SMG8: variants seen among roughly 807,000 people sequenced by gnomAD.
SMG8 encodes the protein SMG8 nonsense mediated mRNA decay factor.
SMG8 carries 49 observed loss-of-function variants against 82.1 expected under a neutral mutation model. The ratio of observed to expected loss-of-function variants is 0.60; its 90% CI spans 0.47 to 0.76. The LOEUF (loss-of-function observed/expected upper bound fraction) is 0.76. SMG8 is among the 30% of genes least tolerant of loss of function. The pLI, the probability that SMG8 is intolerant of heterozygous loss-of-function variation, is 0.00. For synonymous variants in SMG8, 404 were observed against 430.0 expected (o/e 0.94, Z 0.75); for missense variants, 969 against 1,166.4 (o/e 0.83, Z 2.46).
chr17:59,211,901 A>C (rs1381460489), intron 1 of SMG8, 91 bp downstream of exon 1: 11 of 1,199,062 alleles, frequency 9.2e-6, no homozygotes, highest in Non-Finnish European at 1.2e-5. Context: ...ATGTATTGAT[A>C]TTTTAGAAAG....
Position 59,211,775 on chromosome 17 carries a change from A to G in SMG8, c.1724A>G (p.His575Arg). The G allele has an allele frequency of 6.4e-7, 1 of 1,555,556 alleles. No homozygotes were observed. The highest frequency in any genetic ancestry group is 2.0e-5 in the Admixed American group (1 of 49,092). The change falls in exon 1 of 4, where the codon CAC becomes CGC. Residue 575 changes from histidine (H) to arginine (R), a missense_variant. Coordinates refer to ENST00000300917, the MANE Select transcript of SMG8 (RefSeq NM_018149.7). ...GAGGAGAGGAGTTTAACTGATCAAC[A>G]CTGTGTGCACAAATTTCACTCATTA... ...LCEERSLTDQ[H>R]CVHKFHSLPK... is the part of the protein sequence containing the mutation.
chr17:59,210,061 C>A lies in SMG8; in HGVS notation c.10C>A (p.Pro4Thr). 1 of 1,560,182 alleles carries A rather than the reference C, an allele frequency of 6.4e-7. No homozygotes were observed. Among genetic ancestry groups the A allele is most frequent in the Admixed American group, 2.0e-5 (1 of 50,302 alleles). The change falls in exon 1 of 4, where the codon CCC (proline) becomes ACC (threonine). Residue 4 changes from proline (P) to threonine (T), a missense_variant. By Grantham distance (38) the Pro-to-Thr change is conservative (BLOSUM62 -1). Around this residue, in one of 3 missense-constraint regions of SMG8, gnomAD observed 206 missense variants for 190.5 expected, o/e 1.08. Coordinates refer to ENST00000300917, the MANE Select transcript of SMG8 (RefSeq NM_018149.7). MAG[P>T]VSLRDLLMGA... ...GAGAACGCTCTGCACTATGGCTGGT[C>A]CCGTGAGCTTGCGAGACCTTCTAAT...
rs2147864610 is a variant in SMG8 at position 59,212,331 on chromosome 17, T to C, written c.1760-10T>C. On this transcript the variant is annotated splice_polypyrimidine_tract_variant and intron_variant, in intron 1 of 3. Coordinates refer to ENST00000300917, the MANE Select transcript of SMG8 (RefSeq NM_018149.7). The stretch of plus-strand genomic sequence containing the variant: ...TTTATGAAATTAATAGTGGCTGTTA[T>C]ATTTTCCAGGAGAAAAACCAGAGGC... 3.2e-6 allele frequency: 5 copies of C among 1,553,754 alleles called. No homozygotes were observed. The highest frequency in any genetic ancestry group is 4.4e-6 in the Non-Finnish European group (5 of 1,140,136).
rs1271463800 is a variant in SMG8, at chr17:59,214,937, A to G, written c.2911A>G (p.Lys971Glu). Reference protein sequence around the residue: ...VTERGPCFPPKENVQLMSYKV... With the variant: ...VTERGPCFPPEENVQLMSYKV... ...TGAGAGAGGACCTTGTTTCCCCCCTAAGGAAAATGTGCAGTTAATGAGCTA... is the reference window on the plus strand; with the variant it reads ...TGAGAGAGGACCTTGTTTCCCCCCTGAGGAAAATGTGCAGTTAATGAGCTA... The change falls in exon 4 of 4, where the codon AAG (lysine) becomes GAG (glutamate). Residue 971 changes from lysine to glutamate, a missense_variant. Lys to Glu is a moderately conservative substitution (Grantham distance 56, BLOSUM62 1). Transcript: ENST00000300917. 3 of 872,764 alleles carry G rather than the reference A, an allele frequency of 3.4e-6. No homozygotes were observed. In the African/African-American group the frequency reaches 4.9e-5, roughly 14 times the overall value. 54.1% of individuals were successfully genotyped at this position (872,764 alleles called of 1,614,324 possible).
intron 3 of SMG8, 50 bp from the exon 4 acceptor site, chr17:59,214,755 T>G (rs779342120): frequency 4.7e-6 from 4 of 854,130 alleles, no homozygotes; most frequent in Admixed American, 1.7e-5. Context: ...ATCTTTCAGT[T>G]GTTTCATATT....
intron 1 of SMG8, 123 bp from the exon 2 acceptor site, chr17:59,212,218 A>C: frequency 1.4e-6 from 1 of 700,090 alleles, no homozygotes; most frequent in Non-Finnish European, 2.2e-6. Flanking sequence ...ATATACTTTC[A>C]CTTGCTTCTT....
rs2046960223 is a variant in SMG8 at position 59,214,810 on chromosome 17, G to C, written c.2784G>C (p.Gln928His). ...ATACTACCTGTGTTTTTCAGGTTCA[G>C]CCAGGCCCACCACCATGTCCGGTAT... is the stretch of plus-strand genomic sequence containing the variant. The part of the protein sequence containing the change: ...PLQIILMPQV[Q>H]PGPPPCPVFY... Residue 928 changes from glutamine to histidine, a missense_variant, in exon 4 of 4, where the codon CAG becomes CAC. Gln to His is a conservative substitution (Grantham distance 24, BLOSUM62 0). Coordinates refer to ENST00000300917, the MANE Select transcript of SMG8 (RefSeq NM_018149.7). 2 of 872,538 alleles carry C rather than the reference G, an allele frequency of 2.3e-6. No individual in the cohort carries two copies. The highest frequency in any genetic ancestry group is 4.0e-6 in the Non-Finnish European group (2 of 501,568). 54.0% of individuals were successfully genotyped at this position (872,538 alleles called of 1,614,324 possible).
intron 1 of SMG8, 74 bp downstream of exon 1, chr17:59,211,884 G>C: frequency 7.7e-7 from 1 of 1,304,444 alleles, no homozygotes; most frequent in Non-Finnish European, 1.0e-6. Context: ...AAGATAGTCT[G>C]TTCACTATGT....
chr17:59,211,026 C>G lies in SMG8; in HGVS notation c.975C>G (p.Cys325Trp). The change falls in exon 1 of 4, where the codon TGC becomes TGG. Residue 325 changes from cysteine (C) to tryptophan (W), a missense_variant. Transcript: ENST00000300917. Reference sequence around the variant, plus strand: ...TCTTGACTAATCAGAGCATCAACTGCCTCTTTACTGTGCCTGCCAACCAAG... The same window carrying G: ...TCTTGACTAATCAGAGCATCAACTGGCTCTTTACTGTGCCTGCCAACCAAG... ...SRVLTNQSINCLFTVPANQAF... is the reference protein window; with the variant it reads ...SRVLTNQSINWLFTVPANQAF... The G allele has an allele frequency of 3.1e-6, 5 of 1,614,194 alleles. No homozygotes were observed. Among genetic ancestry groups the G allele is most frequent in the Non-Finnish European group, 4.2e-6 (5 of 1,180,046 alleles).
Position 59,210,230 on chromosome 17 carries a change from T to C in SMG8, c.179T>C (p.Leu60Pro). 1 of 1,609,714 alleles carries C rather than the reference T, an allele frequency of 6.2e-7. No homozygotes were observed. Among genetic ancestry groups the C allele is most frequent in the Non-Finnish European group, 8.5e-7 (1 of 1,177,938 alleles). ...ATCTTCGGCAAGACGGCTCTACGCCTGAATTCCGAGAAGTTCTCTCTTGTG... is the reference window on the plus strand; with the variant it reads ...ATCTTCGGCAAGACGGCTCTACGCCCGAATTCCGAGAAGTTCTCTCTTGTG... ...VGIFGKTALR[L>P]NSEKFSLVNT... is the part of the protein sequence containing the mutation. The change falls in exon 1 of 4, where the codon CTG (leucine) becomes CCG (proline). Residue 60 changes from leucine (L) to proline (P), a missense_variant. By Grantham distance (98) the Leu-to-Pro change is moderately conservative. Transcript: ENST00000300917.
Position 59,212,798 on chromosome 17 carries a change from G to A in SMG8, c.1975G>A (p.Asp659Asn). The change falls in exon 3 of 4, where the codon GAT (aspartate) becomes AAT (asparagine). Residue 659 changes from aspartate (D) to asparagine (N), a missense_variant. Asp to Asn is a conservative substitution (Grantham distance 23). Around this residue, in one of 3 missense-constraint regions of SMG8, gnomAD observed 662 missense variants for 884.8 expected, o/e 0.75. Coordinates refer to ENST00000300917, the MANE Select transcript of SMG8 (RefSeq NM_018149.7). ...CCCAGTATTTGAACCAAGTACTCCA[G>A]ATCCTGCTCCTGCTAAAAATGAATC... is the stretch of plus-strand genomic sequence containing the variant. ...NFPVFEPSTPDPAPAKNESSP... is the reference protein window; with the variant it reads ...NFPVFEPSTPNPAPAKNESSP... 6.2e-7 allele frequency: 1 copy of A among 1,613,962 alleles called. No individual in the cohort carries two copies. Among genetic ancestry groups the A allele is most frequent in the South Asian group, 1.1e-5 (1 of 91,066 alleles).
At chr17:59,212,698 CTTACTGGA>C in intron 2 of SMG8, 23 bp from the exon 3 acceptor site, 1 of 1,553,472 alleles carries the variant, frequency 6.4e-7, no homozygotes, top group Non-Finnish European at 8.6e-7. Flanking sequence ...AAATGAAAAA[CTTACTGGA>C]TTTTTTTTCT....
At position 59,214,916 on chromosome 17, in the gene SMG8, A is replaced by T. The variant is rs764387780; in HGVS notation, c.2890A>T (p.Arg964Ter). 1 of 872,932 alleles carries T rather than the reference A, an allele frequency of 1.1e-6. No individual in the cohort carries two copies. 54.1% of individuals were successfully genotyped at this position (872,932 alleles called of 1,614,324 possible). Residue 964 changes from arginine to a stop codon, truncating the protein, a stop_gained, in exon 4 of 4, where the codon AGA (arginine) becomes TGA (stop). Transcript: ENST00000300917. LOFTEE classifies it high-confidence loss of function. ...ATTTCCTTATGCATATGTGACTGAG[A>T]GAGGACCTTGTTTCCCCCCTAAGGA... ...LRFPYAYVTE[R>*]GPCFPPKENV...
rs1156706207 is a variant in SMG8, at chr17:59,212,904, G to A, written c.2081G>A (p.Ser694Asn). 6.2e-7 allele frequency: 1 copy of A among 1,614,100 alleles called. No homozygotes were observed. Among genetic ancestry groups the A allele is most frequent in the Non-Finnish European group, 8.5e-7 (1 of 1,180,032 alleles). Residue 694 changes from serine to asparagine, a missense_variant, in exon 3 of 4, where the codon AGT becomes AAT. Coordinates refer to ENST00000300917, the MANE Select transcript of SMG8 (RefSeq NM_018149.7). ...ACCCAAGGAGAGAGCACGAGCCTGA[G>A]TTTAGCTTTGAGTTTGGGCCAATCC... is the stretch of plus-strand genomic sequence containing the variant. ...PQTQGESTSL[S>N]LALSLGQSTD...
Position 59,210,107 on chromosome 17 carries a change from G to C in SMG8, c.56G>C (p.Gly19Ala), listed in dbSNP as rs746867961. Residue 19 changes from glycine to alanine, a missense_variant, in exon 1 of 4, where the codon GGC (glycine) becomes GCC (alanine). Physicochemically the swap from Gly to Ala is moderately conservative, Grantham distance 60 (BLOSUM62 0). Around this residue, in one of 3 missense-constraint regions of SMG8, gnomAD observed 206 missense variants for 190.5 expected, o/e 1.08. Coordinates refer to ENST00000300917, the MANE Select transcript of SMG8 (RefSeq NM_018149.7). ...DLLMGASAWM[G>A]SESPGGSPTE... ...CTAATGGGAGCATCAGCCTGGATGG[G>C]CTCTGAAAGTCCCGGAGGGTCCCCT... The C allele has an allele frequency of 2.5e-6, 4 of 1,585,798 alleles. No individual in the cohort carries two copies. The South Asian group carries it at 4.6e-5, about 18-fold the overall frequency.
rs139955745 is a variant in SMG8 at position 59,214,999 on chromosome 17, A to G, written c.2973A>G (p.Gln991=). ...GTGGGGTTCTTAAGGCAGTAACACA[A>G]TAAGTGTTTTCCAGCCAGTTCAATC... The part of the protein sequence containing the change: ...VLRGVLKAVT[Q] Residue 991 remains glutamine (Q), a synonymous_variant, in exon 4 of 4, where the codon CAA becomes CAG. Transcript: ENST00000300917. The G allele has an allele frequency of 1.3e-4, 113 of 872,604 alleles. No homozygotes were observed. The highest frequency in any genetic ancestry group is 2.1e-4 in the Non-Finnish European group (106 of 501,550). The allele number at this position is 872,604 out of a possible 1,614,324, so 54.1% of individuals were successfully genotyped here.
rs758330791 is a variant in SMG8, at chr17:59,213,436, G to A, written c.2613G>A (p.Met871Ile). 43 of 1,614,018 alleles carry A rather than the reference G, an allele frequency of 2.7e-5. No homozygotes were observed. Among genetic ancestry groups the A allele is most frequent in the Non-Finnish European group, 3.6e-5 (42 of 1,180,046 alleles). The stretch of plus-strand genomic sequence containing the variant: ...GGCCTGACAAAGTAATGAAAGTAAT[G>A]GGAAGTGGGCCAAAGGAATCAGCTT... ...CSGPDKVMKV[M>I]GSGPKESALK... Residue 871 changes from methionine (M) to isoleucine (I), a missense_variant, in exon 3 of 4, where the codon ATG (methionine) becomes ATA (isoleucine). Physicochemically the swap from Met to Ile is conservative, Grantham distance 10. Coordinates refer to ENST00000300917, the MANE Select transcript of SMG8 (RefSeq NM_018149.7).
At chr17:59,214,452 A>G (rs1233349853) in intron 3 of SMG8, among the ~76,000 whole-genome samples, 1 of 152,026 alleles carries the variant, frequency 6.6e-6, no homozygotes. Context: ...GCTCTGTTGC[A>G]CAGGCTGGAG....
chr17:59,211,875 A>C, intron 1 of SMG8, 65 bp downstream of exon 1: 1 of 1,388,574 alleles, frequency 7.2e-7, no homozygotes, highest in Non-Finnish European at 9.6e-7. Flanking sequence ...TCTTGTTTTA[A>C]GATAGTCTGT....
Sources: allele counts gnomAD v4.1 joint callset (sites outside exome capture counted in the v4.1 genomes callset), GRCh38; gene constraint gnomAD v4.1.1; regional missense constraint gnomAD v4.1.1; transcripts MANE v1.5; gene names NCBI Gene and HGNC (gene_info 2026-07-23, HGNC 2026-07-21).